Variants in MYO16 observed in about 807,000 individuals in gnomAD.
MYO16 encodes the protein myosin XVI.
A neutral mutation model predicts 205.3 loss-of-function variants in MYO16; 94 were observed. The observed-to-expected ratio is 0.46, with a 90% CI of 0.39 to 0.54. The LOEUF is 0.54. MYO16 is among the 20% of genes least tolerant of loss of function. The pLI, the probability that MYO16 is intolerant of heterozygous loss-of-function variation, is 0.00. For missense variants in MYO16, 2,315 were observed against 2,387.5 expected (o/e 0.97, Z 0.63); for synonymous variants, 988 against 954.0 (o/e 1.04, Z -0.66).
intron 2 of MYO16, among the ~76,000 whole-genome samples, chr13:108,697,063 TG>T (rs1883121931): frequency 1.3e-5 from 2 of 152,128 alleles, no homozygotes; most frequent in South Asian, 4.1e-4. Context: ...GGGCAAACTT[TG>T]CTCCTGTGAA....
the MYO16 span, among the ~76,000 whole-genome samples, chr13:108,544,557 AAG>A: frequency 6.6e-6 from 1 of 152,188 alleles, no homozygotes; most frequent in Admixed American, 6.5e-5. Context: ...CAGTTATTAA[AAG>A]AGTTACATAG....
At chr13:108,916,771 C>G (rs187174918) in intron 16 of MYO16, among the ~76,000 whole-genome samples, 240 of 152,240 alleles carry the variant, frequency 1.6e-3, no homozygotes, top group African/African-American at 5.5e-3. Context: ...GCCTTCTGTT[C>G]TTGATGTTAT....
chr13:109,150,573 A>G (rs78113903), intron 32 of MYO16, among the ~76,000 whole-genome samples: 2,622 of 152,336 alleles, frequency 0.017, 77 homozygotes, highest in African/African-American at 0.058. Flanking sequence ...CAGTCAGACC[A>G]GAGATACGTA....
At chr13:108,867,183 AAAAACAAAAC>A (rs57653337) in intron 12 of MYO16, among the ~76,000 whole-genome samples, 29 of 151,612 alleles carry the variant, frequency 1.9e-4, no homozygotes, top group Non-Finnish European at 3.5e-4. Context: ...CATCTCTGCA[AAAAACAAAAC>A]AAAACAAAAC....
chr13:109,090,674 C>A (rs1888592550), intron 27 of MYO16, among the ~76,000 whole-genome samples: 1 of 152,204 alleles, frequency 6.6e-6, no homozygotes, highest in Admixed American at 6.5e-5. Context: ...TGGATATTTC[C>A]TGTCAGAATC....
chr13:108,846,619 G>A (rs1166298844), intron 10 of MYO16, among the ~76,000 whole-genome samples: 3 of 151,908 alleles, frequency 2.0e-5, no homozygotes, highest in Admixed American at 1.3e-4. Context: ...AAGAAATTGA[G>A]TGTGACTGAC....
chr13:108,573,621 A>G, the MYO16 span, among the ~76,000 whole-genome samples: 1 of 152,174 alleles, frequency 6.6e-6, no homozygotes, highest in Non-Finnish European at 1.5e-5. Flanking sequence ...AGTTTTCTCC[A>G]TTGTAGTCTG....
chr13:108,858,455 A>T (rs1254662398), intron 11 of MYO16, among the ~76,000 whole-genome samples: 1 of 152,082 alleles, frequency 6.6e-6, no homozygotes, highest in African/African-American at 2.4e-5. Context: ...GGCTCATGGC[A>T]GCCCCACTCT....
At chr13:108,899,161 C>T (rs1180246666) in intron 15 of MYO16, among the ~76,000 whole-genome samples, 5 of 152,128 alleles carry the variant, frequency 3.3e-5, no homozygotes, top group African/African-American at 7.2e-5. Flanking sequence ...CAGTGGCTCA[C>T]GCCTGAAATC....
the MYO16 span, among the ~76,000 whole-genome samples, chr13:108,561,537 C>T: frequency 1.8e-4 from 28 of 152,286 alleles, no homozygotes; most frequent in Non-Finnish European, 3.1e-4. Flanking sequence ...ATGTTTTTAA[C>T]TGAAACTGAG....
At chr13:108,737,814 G>A (rs946261993) in intron 4 of MYO16, among the ~76,000 whole-genome samples, 1 of 152,090 alleles carries the variant, frequency 6.6e-6, no homozygotes, top group Admixed American at 6.5e-5. Flanking sequence ...CAATTTCAGA[G>A]CCTGTTATTG....
At chr13:108,595,029 A>G (rs1255696720), upstream of MYO16, among the ~76,000 whole-genome samples, 1 of 152,208 alleles carries the variant, frequency 6.6e-6, no homozygotes, top group Non-Finnish European at 1.5e-5. Context: ...AAGCGAATTT[A>G]TTCCTTTCCT....
chr13:109,055,596 G>C lies in MYO16; in HGVS notation c.3335+1G>C, dbSNP rs1336367986. Reference sequence around the variant, plus strand: ...TTTCCTTCTCGGATTTCCTGTCAAGGTAAATTCTTCTGCTCTTAAAATCGT... The same window carrying C: ...TTTCCTTCTCGGATTTCCTGTCAAGCTAAATTCTTCTGCTCTTAAAATCGT... On this transcript the variant is annotated splice_donor_variant, in intron 27 of 34. Coordinates refer to ENST00000457511, the MANE Select transcript of MYO16 (RefSeq NM_001198950.3). LOFTEE classifies it high-confidence loss of function. This position sits in a 1 kb window ranked among gnomAD's most constrained non-coding sequence, Gnocchi z 5.0. 6.2e-7 allele frequency: 1 copy of C among 1,607,030 alleles called. No individual in the cohort carries two copies. Among genetic ancestry groups the C allele is most frequent in the South Asian group, 1.1e-5 (1 of 91,042 alleles).
intron 10 of MYO16, 91 bp downstream of exon 10, chr13:108,844,584 C>G: frequency 7.8e-7 from 1 of 1,289,826 alleles, no homozygotes; most frequent in Non-Finnish European, 1.0e-6. Flanking sequence ...CAAATGCGCA[C>G]TAATTTGCAT....
intron 4 of MYO16, among the ~76,000 whole-genome samples, chr13:108,737,273 C>T (rs562879843): frequency 1.7e-4 from 26 of 152,138 alleles, no homozygotes; most frequent in Admixed American, 7.2e-4. Flanking sequence ...TGGCTGTGGG[C>T]TTGTCATAAA....
intron 16 of MYO16, among the ~76,000 whole-genome samples, chr13:108,923,201 G>A (rs773503005): frequency 1.3e-5 from 2 of 152,208 alleles, no homozygotes; most frequent in Non-Finnish European, 2.9e-5. Flanking sequence ...GAAGACCTGG[G>A]GGCTGCGTGT....
intron 5 of MYO16, among the ~76,000 whole-genome samples, chr13:108,792,531 G>C (rs1350951051): frequency 3.5e-5 from 4 of 112,830 alleles, no homozygotes; most frequent in Non-Finnish European, 7.5e-5. Context: ...TTTTTTTTGA[G>C]ATGGAGTTTT....
At position 109,206,813 on chromosome 13, in the gene MYO16, G is replaced by A; in HGVS notation, c.5620G>A (p.Glu1874Lys). ...GGCCTCCTGCAACAGGCTGCCGTCT[G>A]AGCTCTGGGACACCACCATTTGATG... ...EGASCNRLPS[E>K]LWDTTI The change falls in exon 35 of 35, where the codon GAG becomes AAG. Residue 1874 changes from glutamate (E) to lysine (K), a missense_variant. Physicochemically the swap from Glu to Lys is moderately conservative, Grantham distance 56. This residue lies in a region of MYO16 where 1,097 missense variants were observed against 1,092.0 expected (regional missense o/e 1.00). Transcript: ENST00000457511. The A allele has an allele frequency of 6.2e-7, 1 of 1,614,088 alleles. No homozygotes were observed. The highest frequency in any genetic ancestry group is 8.5e-7 in the Non-Finnish European group (1 of 1,179,990).
At chr13:108,558,275 G>T in the MYO16 span, among the ~76,000 whole-genome samples, 1 of 152,118 alleles carries the variant, frequency 6.6e-6, no homozygotes, top group Non-Finnish European at 1.5e-5. Context: ...GGTGATTCCT[G>T]CTGGCTTCCC....
Sources: allele counts gnomAD v4.1 joint callset (sites outside exome capture counted in the v4.1 genomes callset), GRCh38; gene constraint gnomAD v4.1.1; regional missense constraint gnomAD v4.1.1; non-coding constraint Gnocchi (gnomAD v3.1); transcripts MANE v1.5; gene names NCBI Gene and HGNC (gene_info 2026-07-23, HGNC 2026-07-21).